MAPK10: variants seen among roughly 807,000 people sequenced by gnomAD.
The protein encoded by MAPK10 is mitogen-activated protein kinase 10, also known as JNK3 alpha protein kinase.
A neutral mutation model predicts 59.3 loss-of-function variants in MAPK10; 25 were observed. The observed-to-expected ratio is 0.42, with a 90% confidence interval of 0.31 to 0.59. The LOEUF (loss-of-function observed/expected upper bound fraction) is 0.59. MAPK10 is among the 20% of genes least tolerant of loss of function. The probability of loss-of-function intolerance (pLI) is 0.15; values close to 1 mark genes in which losing one functional copy is unlikely to be tolerated. For missense variants in MAPK10, 351 were observed against 568.9 expected, an observed-to-expected ratio of 0.62 and a Z score of 3.90; for synonymous variants, 190 against 200.5, an observed-to-expected ratio of 0.95 and a Z score of 0.44.
chr4:86,081,525 AT>A (rs1176564788), intron 9 of MAPK10: 3 of 152,076 alleles, frequency 2.0e-5, no homozygotes, highest in Non-Finnish European at 1.5e-5. Context: ...ATAGAAAAAA[AT>A]GTGTTCATTC....
Position 86,108,438 on chromosome 4 carries a change from A to C in MAPK10, c.237-1086T>G, listed in dbSNP as rs577433526. Among the ~76,000 whole-genome samples the C allele has an allele frequency of 2.6e-5, 4 of 152,306 alleles. No individual in the cohort carries two copies. The East Asian group carries it at 7.7e-4, about 29-fold the overall frequency. Reference sequence around the variant, plus strand: ...ACTACAACTGATCTACTAAATTAGAAGTAACATTGACCATTGAAGCCTCAT... The same window carrying C: ...ACTACAACTGATCTACTAAATTAGACGTAACATTGACCATTGAAGCCTCAT... On this transcript the variant is annotated intron_variant, in intron 4 of 13. Transcript: ENST00000641462.
intron 2 of MAPK10, chr4:86,327,578 A>G (rs1392110804): frequency 2.0e-5 from 3 of 151,754 alleles, no homozygotes; most frequent in Non-Finnish European, 4.4e-5. Flanking sequence ...AGGTCTTTGA[A>G]GGGCAACATT....
intron 1 of MAPK10, among the ~76,000 whole-genome samples, chr4:86,525,121 C>T (rs1367458790): frequency 1.3e-5 from 2 of 151,920 alleles, no homozygotes; most frequent in Admixed American, 1.3e-4. Context: ...CATGGCGAAA[C>T]CCCGTCTCCA....
chr4:86,017,909 G>A lies in MAPK10; in HGVS notation c.1253-539C>T, dbSNP rs959181663. On this transcript the variant is annotated intron_variant, in intron 13 of 13. Coordinates refer to ENST00000641462, the MANE Select transcript of MAPK10 (RefSeq NM_138982.4). This position sits in a 1 kb window ranked among gnomAD's most constrained non-coding sequence, Gnocchi z 4.4. ...AGCTAATTTTTGTACTTTTAGTAGA[G>A]ATGAGGTTTCAACATGTTGGCCAGA... Among the ~76,000 whole-genome samples, 1 of 152,150 alleles carries A rather than the reference G, an allele frequency of 6.6e-6. No homozygotes were observed. Among genetic ancestry groups the A allele is most frequent in the Admixed American group, 6.5e-5 (1 of 15,278 alleles).
chr4:86,410,371 G>A (rs995802318), intron 1 of MAPK10, among the ~76,000 whole-genome samples: 19 of 152,076 alleles, frequency 1.2e-4, no homozygotes, highest in African/African-American at 4.6e-4. Flanking sequence ...TCTTTTTCTT[G>A]TTGTGTCTCT....
intron 2 of MAPK10, among the ~76,000 whole-genome samples, chr4:86,340,991 T>C (rs1219516516): frequency 6.6e-6 from 1 of 152,202 alleles, no homozygotes; most frequent in Non-Finnish European, 1.5e-5. Context: ...ATTTTTCACA[T>C]GAAGCAAGAC....
intron 2 of MAPK10, among the ~76,000 whole-genome samples, chr4:86,299,535 C>T (rs1257600713): frequency 6.6e-6 from 1 of 152,108 alleles, no homozygotes; most frequent in Non-Finnish European, 1.5e-5. Flanking sequence ...TTGCCTGTAC[C>T]TTGATTTTGG....
At chr4:86,492,926 G>A (rs879538777) in intron 1 of MAPK10, among the ~76,000 whole-genome samples, 1 of 152,198 alleles carries the variant, frequency 6.6e-6, no homozygotes, top group East Asian at 1.9e-4. Flanking sequence ...GAAGGACTCC[G>A]TAATTCTATA....
intron 1 of MAPK10, among the ~76,000 whole-genome samples, chr4:86,592,384 A>G (rs1044006300): frequency 6.6e-6 from 1 of 152,112 alleles, no homozygotes; most frequent in African/African-American, 2.4e-5. Context: ...AAGAAAAAGA[A>G]AAGGAAAAAA....
At chr4:86,177,651 C>G (rs993620061) in intron 3 of MAPK10, among the ~76,000 whole-genome samples, 6 of 151,906 alleles carry the variant, frequency 3.9e-5, no homozygotes, top group Non-Finnish European at 8.8e-5. Context: ...AAAATGAAAT[C>G]GCTCCATGGA....
intron 1 of MAPK10, among the ~76,000 whole-genome samples, chr4:86,419,244 A>T (rs1302080662): frequency 6.6e-6 from 1 of 152,162 alleles, no homozygotes; most frequent in Non-Finnish European, 1.5e-5. Flanking sequence ...ATATTTCCTT[A>T]TCATATCTCT....
intron 1 of MAPK10, among the ~76,000 whole-genome samples, chr4:86,461,005 G>T (rs529597017): frequency 6.6e-6 from 1 of 152,200 alleles, no homozygotes; most frequent in South Asian, 2.1e-4. Context: ...ACTGGGTTAG[G>T]GTCTCCATGA....
intron 10 of MAPK10, 86 bp downstream of exon 10, chr4:86,067,687 G>C (rs961114971): frequency 9.0e-7 from 1 of 1,115,868 alleles, no homozygotes; most frequent in South Asian, 2.0e-5. Context: ...AGGGAACAAA[G>C]AGAAAGAGAT....
At chr4:86,350,749 A>T (rs1730910682) in intron 2 of MAPK10, among the ~76,000 whole-genome samples, 1 of 152,200 alleles carries the variant, frequency 6.6e-6, no homozygotes, top group Non-Finnish European at 1.5e-5. Flanking sequence ...AACAACTGCA[A>T]ATCAAATAAC....
intron 9 of MAPK10, among the ~76,000 whole-genome samples, chr4:86,069,016 TAA>T (rs2047261983): frequency 1.3e-5 from 2 of 152,258 alleles, no homozygotes; most frequent in Admixed American, 6.5e-5. Context: ...TCTTTGGTGT[TAA>T]GTTAGTTAAC....
At chr4:86,205,903 ATT>A (rs1257143344) in intron 2 of MAPK10, among the ~76,000 whole-genome samples, 1 of 152,062 alleles carries the variant, frequency 6.6e-6, no homozygotes, top group African/African-American at 2.4e-5. Context: ...TCCCTCTCAG[ATT>A]TAATAAAATA....
intron 2 of MAPK10, among the ~76,000 whole-genome samples, chr4:86,289,537 T>C (rs747258934): frequency 2.6e-5 from 4 of 151,210 alleles, no homozygotes; most frequent in Non-Finnish European, 4.4e-5. Flanking sequence ...GATATGTTAA[T>C]ATATGATAAA....
chr4:86,150,621 G>GGAGGCCGAGACGGGCAGATCAC (rs1265612003), intron 4 of MAPK10, among the ~76,000 whole-genome samples: 1 of 152,122 alleles, frequency 6.6e-6, no homozygotes, highest in East Asian at 1.9e-4. Context: ...CAGCACTTTG[G>GGAGGCCGAGACGGGCAGATCAC]GAGGCCGAGA....
At chr4:86,115,875 TA>T (rs541899428) in intron 4 of MAPK10, among the ~76,000 whole-genome samples, 6 of 152,238 alleles carry the variant, frequency 3.9e-5, no homozygotes, top group African/African-American at 7.2e-5. Context: ...GTGCTGCTCT[TA>T]CACTAATATG....
Sources: gnomAD v4.1 joint callset for allele counts (sites outside exome capture counted in the v4.1 genomes callset) on GRCh38, gnomAD v4.1.1 for gene constraint, Gnocchi (gnomAD v3.1) non-coding constraint, MANE v1.5 for transcripts, NCBI Gene and HGNC (gene_info 2026-07-23, HGNC 2026-07-21) for gene names.